HHAT: variants seen among roughly 807,000 people sequenced by gnomAD.
HHAT encodes protein-cysteine N-palmitoyltransferase HHAT.
In HHAT, 47 loss-of-function variants were observed where a neutral mutation model predicts 70.8. The observed-to-expected ratio is 0.66, with a 90% CI of 0.53 to 0.85. HHAT has a LOEUF of 0.85. Among genes scored for constraint, HHAT ranks in the 40% least tolerant of loss-of-function variants. The probability of loss-of-function intolerance (pLI) is 0.00; values close to 1 mark genes in which losing one functional copy is unlikely to be tolerated. For missense variants in HHAT, 609 were observed against 604.8 expected, an observed-to-expected ratio of 1.01 and a Z score of -0.07; for synonymous variants, 228 against 247.6, an observed-to-expected ratio of 0.92 and a Z score of 0.74.
chr1:210,373,290 T>G (rs1393722805), intron 3 of HHAT, among the ~76,000 whole-genome samples: 1 of 151,912 alleles, frequency 6.6e-6, no homozygotes, highest in Non-Finnish European at 1.5e-5. Context: ...GATCTGAAAT[T>G]TGGGGGGAGG....
intron 7 of HHAT, among the ~76,000 whole-genome samples, chr1:210,429,796 A>G (rs888450087): frequency 3.3e-5 from 5 of 151,886 alleles, no homozygotes; most frequent in Admixed American, 3.3e-4. Flanking sequence ...GTGTTAATTC[A>G]GTGCTATCTG....
intron 3 of HHAT, among the ~76,000 whole-genome samples, chr1:210,381,406 G>A (rs2357584): frequency 0.12 from 17,795 of 151,962 alleles, 1,355 homozygotes; most frequent in East Asian, 0.29. Context: ...TCAGCCTCCC[G>A]AGTAGCTGAG....
At position 210,467,096 on chromosome 1, in the gene HHAT, G is replaced by A. The variant is rs554590812; in HGVS notation, c.1007+2441G>A. On this transcript the variant is annotated intron_variant, in intron 8 of 11. Transcript: ENST00000261458. The stretch of plus-strand genomic sequence containing the variant: ...CTAGACTTTTATCCTAGCTTCTTTA[G>A]CATGCATAGGTGTAGGTTTTCCACT... Among the ~76,000 whole-genome samples the A allele has an allele frequency of 5.3e-5, 8 of 152,280 alleles. No individual in the cohort carries two copies. The South Asian group carries it at 6.2e-4, about 12-fold the overall frequency.
At chr1:210,543,705 A>G (rs985974662) in intron 9 of HHAT, among the ~76,000 whole-genome samples, 2 of 152,120 alleles carry the variant, frequency 1.3e-5, no homozygotes, top group Admixed American at 1.3e-4. Context: ...GACCCTTCCA[A>G]AGGCCTTCCT....
intron 6 of HHAT, among the ~76,000 whole-genome samples, chr1:210,406,045 C>T (rs1572203265): frequency 2.6e-5 from 4 of 152,246 alleles, no homozygotes; most frequent in African/African-American, 9.6e-5. Flanking sequence ...GAATCACAGC[C>T]TCTAGGGATA....
At chr1:210,334,519 G>T (rs1466878534) in intron 1 of HHAT, among the ~76,000 whole-genome samples, 1 of 151,846 alleles carries the variant, frequency 6.6e-6, no homozygotes, top group Non-Finnish European at 1.5e-5. Context: ...TTTAGCCCGG[G>T]TTCACAGTTG....
At chr1:210,632,315 C>T (rs75264478) in intron 11 of HHAT, among the ~76,000 whole-genome samples, 3,590 of 152,216 alleles carry the variant, frequency 0.024, 104 homozygotes, top group Admixed American at 0.062. Context: ...GCAAGGAAAT[C>T]GAGTATGCGG....
chr1:210,392,660 T>C (rs2091532432), intron 4 of HHAT, among the ~76,000 whole-genome samples: 1 of 152,098 alleles, frequency 6.6e-6, no homozygotes, highest in Non-Finnish European at 1.5e-5. Context: ...GGTCTCAAAC[T>C]CCTAGCTTCA....
intron 4 of HHAT, among the ~76,000 whole-genome samples, chr1:210,388,499 T>C (rs1321594034): frequency 6.6e-6 from 1 of 152,114 alleles, no homozygotes; most frequent in East Asian, 1.9e-4. Context: ...CTCCTCACCC[T>C]GGAAGATAGG....
At chr1:210,347,468 A>T (rs1305341934) in intron 1 of HHAT, among the ~76,000 whole-genome samples, 1 of 152,154 alleles carries the variant, frequency 6.6e-6, no homozygotes, top group Admixed American at 6.5e-5. Flanking sequence ...TTTTGCTCTT[A>T]TTTTGGCATC....
At chr1:210,481,343 T>C (rs1290740360) in intron 8 of HHAT, among the ~76,000 whole-genome samples, 8 of 152,228 alleles carry the variant, frequency 5.3e-5, no homozygotes, top group Non-Finnish European at 1.5e-5. Flanking sequence ...CCATATGTAG[T>C]CAATTCATTC....
At chr1:210,464,150 T>G (rs1357302490) in intron 7 of HHAT, among the ~76,000 whole-genome samples, 1 of 152,216 alleles carries the variant, frequency 6.6e-6, no homozygotes, top group Non-Finnish European at 1.5e-5. Context: ...ATTCTTTTTT[T>G]TTTTGTACCC....
intron 9 of HHAT, among the ~76,000 whole-genome samples, chr1:210,555,864 C>G (rs996722715): frequency 6.6e-6 from 1 of 152,112 alleles, no homozygotes; most frequent in African/African-American, 2.4e-5. Context: ...TTATTAAGCC[C>G]TGTGAGGAGA....
chr1:210,359,174 T>A (rs2087977302), intron 2 of HHAT, among the ~76,000 whole-genome samples: 1 of 152,190 alleles, frequency 6.6e-6, no homozygotes, highest in Non-Finnish European at 1.5e-5. Context: ...CTTTTCTGTT[T>A]GTAGCAGCCT....
chr1:210,542,847 C>T (rs915831545), intron 9 of HHAT, among the ~76,000 whole-genome samples: 11 of 151,836 alleles, frequency 7.2e-5, no homozygotes, highest in East Asian at 5.8e-4. Context: ...ATTAAGTATA[C>T]GTGTTGTATA....
In HHAT at chr1:210,674,457, C is replaced by G; in HGVS notation, c.*78C>G. 2.7e-6 allele frequency: 3 copies of G among 1,132,052 alleles called. No homozygotes were observed. Among genetic ancestry groups the G allele is most frequent in the Non-Finnish European group, 4.0e-6 (3 of 758,626 alleles). 70.1% of individuals were successfully genotyped at this position (1,132,052 alleles called of 1,614,324 possible). ...TTCACCCTGACCTCTCACTCCAGGA[C>G]AGCCTCTAAGGGATTTGATCTGCTC... On this transcript the variant is annotated 3_prime_UTR_variant, in exon 12 of 12. Transcript: ENST00000261458.
intron 11 of HHAT, among the ~76,000 whole-genome samples, chr1:210,626,630 C>G (rs1203766525): frequency 6.6e-6 from 1 of 152,058 alleles, no homozygotes; most frequent in African/African-American, 2.4e-5. Context: ...TTAGATATCT[C>G]TTGGAGGAAA....
chr1:210,623,803 A>C, intron 11 of HHAT, 133 bp downstream of exon 11: 1 of 947,460 alleles, frequency 1.1e-6, no homozygotes, highest in Non-Finnish European at 1.6e-6. Context: ...CCTCTAAAGT[A>C]CCAGCCAGGA....
Position 210,579,220 on chromosome 1 carries a change from G to A in HHAT, c.1044-8678G>A, listed in dbSNP as rs375286193. ...TAATACATAGGTGATGAAATTATCTGTATAACAAACCCCTGTGACATGAGT... is the reference window on the plus strand; with the variant it reads ...TAATACATAGGTGATGAAATTATCTATATAACAAACCCCTGTGACATGAGT... On this transcript the variant is annotated intron_variant, in intron 9 of 11. Transcript: ENST00000261458. Among the ~76,000 whole-genome samples, 43 of 152,238 alleles carry A rather than the reference G, an allele frequency of 2.8e-4. 1 individual carries two copies. The highest frequency in any genetic ancestry group is 1.0e-3 in the African/African-American group (43 of 41,542).
Sources: gnomAD v4.1 joint callset for allele counts (sites outside exome capture counted in the v4.1 genomes callset) on GRCh38, gnomAD v4.1.1 for gene constraint, MANE v1.5 for transcripts, NCBI Gene and HGNC (gene_info 2026-07-23, HGNC 2026-07-21) for gene names.